The following VAT1 variants were observed in gnomAD, a reference collection of about 807,000 sequenced individuals.
VAT1 encodes vesicle amine transport 1, also known as NADPH-dependent quinone oxidoreductase VAT1.
VAT1 carries 24 observed loss-of-function variants against 33.3 expected under a neutral mutation model. The observed-to-expected ratio is 0.72, with a 90% CI of 0.52 to 1.01. VAT1 has a LOEUF of 1.01. VAT1 is among the 50% of genes least tolerant of loss of function. The probability of loss-of-function intolerance (pLI) is 0.00; values close to 1 mark genes in which losing one functional copy is unlikely to be tolerated. For synonymous variants in VAT1, 212 were observed against 225.0 expected (o/e 0.94, Z 0.52); for missense variants, 436 against 533.7 (o/e 0.82, Z 1.80).
In VAT1 at chr17:43,022,027, A is replaced by G; in HGVS notation, c.296T>C (p.Leu99Pro). ...NFADLMARQGLYDRLPPLPVT... is the reference protein window; with the variant it reads ...NFADLMARQGPYDRLPPLPVT... ...AGGCAGAGGCGGGAGACGGTCGTAC[A>G]GCCCCTGCCTAGCCATGAGGTCTGC... is the stretch of plus-strand genomic sequence containing the variant. Residue 99 changes from leucine to proline, a missense_variant, in exon 1 of 6, where the codon CTG becomes CCG. This residue lies in a region of VAT1 where 282 missense variants were observed against 405.4 expected (regional missense o/e 0.70). Coordinates refer to ENST00000355653, the MANE Select transcript of VAT1 (RefSeq NM_006373.4). The G allele has an allele frequency of 1.2e-6, 2 of 1,606,804 alleles. No individual in the cohort carries two copies. The highest frequency in any genetic ancestry group is 1.7e-6 in the Non-Finnish European group (2 of 1,178,234).
intron 1 of VAT1, chr17:43,020,207 CAGGAAGGAGG>C (rs2050555038): frequency 2.0e-6 from 2 of 985,252 alleles, no homozygotes; most frequent in Non-Finnish European, 2.4e-6. Flanking sequence ...ACCCAGACAC[CAGGAAGGAGG>C]AGGAGGGAGA....
rs754933793 is a variant in VAT1, at chr17:43,018,143, G to A, written c.659C>T (p.Thr220Met). 1.2e-5 allele frequency: 20 copies of A among 1,613,970 alleles called. No homozygotes were observed. In the Admixed American group the frequency reaches 1.8e-4, roughly 15 times the overall value. Residue 220 changes from threonine (T) to methionine (M), a missense_variant, in exon 3 of 6, where the codon ACG becomes ATG. Physicochemically the swap from Thr to Met is moderately conservative, Grantham distance 81 (BLOSUM62 -1). Around this residue, in one of 2 missense-constraint regions of VAT1, gnomAD observed 282 missense variants for 405.4 expected, o/e 0.70. Transcript: ENST00000355653. ...RTVENVTVFG[T>M]ASASKHEALK... ...TGCCTCGTGCTTGCTGGCCGAGGCC[G>A]TTCCGAACACTGTCACATTCTCCAC...
chr17:43,017,206 G>T (rs1391584744), intron 4 of VAT1, among the ~76,000 whole-genome samples: 1 of 145,058 alleles, frequency 6.9e-6, no homozygotes, highest in African/African-American at 2.5e-5. Flanking sequence ...TTTTTTAAAT[G>T]AAAATGCACC....
At chr17:43,019,091 T>A in intron 1 of VAT1, 1 of 435,054 alleles carries the variant, frequency 2.3e-6, no homozygotes, top group South Asian at 2.5e-5. Flanking sequence ...TTCTTACAGA[T>A]CTTACATGTC....
In VAT1 at chr17:43,015,922, C is replaced by T. The variant is rs755606136; in HGVS notation, c.*139G>A. 8.5e-5 allele frequency: 77 copies of T among 909,376 alleles called. No individual in the cohort carries two copies. Among genetic ancestry groups the T allele is most frequent in the Non-Finnish European group, 1.2e-4 (67 of 571,200 alleles). 56.3% of individuals were successfully genotyped at this position (909,376 alleles called of 1,614,324 possible). On this transcript the variant is annotated 3_prime_UTR_variant, in exon 6 of 6. Coordinates refer to ENST00000355653, the MANE Select transcript of VAT1 (RefSeq NM_006373.4). ...GGAAGCGGGGAGGGGCAGGGGAGAG[C>T]GGTCATCACCACAGAGACCTTCGGG...
Position 43,016,631 on chromosome 17 carries a change from TC to T in VAT1, c.857-84del, listed in dbSNP as rs2050522985. ...CATCTGTGCTCTCTGTTCCCTGTGATCCCCTTGCAATTCTCCACACCAGTGC... is the reference window on the plus strand; with the variant it reads ...CATCTGTGCTCTCTGTTCCCTGTGATCCCTTGCAATTCTCCACACCAGTGC... On this transcript the variant is annotated intron_variant, in intron 4 of 5. Coordinates refer to ENST00000355653, the MANE Select transcript of VAT1 (RefSeq NM_006373.4). The T allele has an allele frequency of 7.7e-6, 12 of 1,550,770 alleles. No individual in the cohort carries two copies. In the South Asian group the frequency reaches 1.5e-4, roughly 19 times the overall value.
At chr17:43,018,553 G>A (rs1316698533) in intron 2 of VAT1, 39 bp downstream of exon 2, 3 of 1,605,248 alleles carry the variant, frequency 1.9e-6, no homozygotes, top group African/African-American at 1.3e-5. Flanking sequence ...AAGGAAATCT[G>A]GGTGGGGTAA....
chr17:43,021,416 C>A (rs1398491158), intron 1 of VAT1, among the ~76,000 whole-genome samples: 2 of 152,172 alleles, frequency 1.3e-5, no homozygotes, highest in African/African-American at 4.8e-5. Context: ...GAGGGGCCGC[C>A]TCACACCCCC....
intron 2 of VAT1, 107 bp from the exon 3 acceptor site, chr17:43,018,313 T>G: frequency 7.6e-7 from 1 of 1,321,716 alleles, no homozygotes; most frequent in South Asian, 1.4e-5. Context: ...TTGCCTACGC[T>G]CATTTTAGGG....
intron 1 of VAT1, among the ~76,000 whole-genome samples, chr17:43,021,657 T>G (rs987308046): frequency 1.4e-5 from 2 of 146,430 alleles, no homozygotes; most frequent in African/African-American, 5.1e-5. Context: ...CGCATGCGCA[T>G]GGGCACCTTA....
rs190122873 is a variant in VAT1, at chr17:43,018,067, G to A, written c.735C>T (p.Tyr245=). 3 of 1,613,274 alleles carry A rather than the reference G, an allele frequency of 1.9e-6. No individual in the cohort carries two copies. The highest frequency in any genetic ancestry group is 1.7e-5 in the Admixed American group (1 of 59,928). ...THPIDYHTTD[Y]VDEIKKISPK... ...GGGAAATCTTCTTGATCTCATCCAC[G>A]TAGTCAGTCGTGTGATAGTCGATGG... The change falls in exon 3 of 6, where the codon TAC becomes TAT. Residue 245 remains tyrosine, a synonymous_variant. Coordinates refer to ENST00000355653, the MANE Select transcript of VAT1 (RefSeq NM_006373.4).
rs1411078519 is a variant in VAT1 at position 43,021,995 on chromosome 17, G to T, written c.328C>A (p.Pro110Thr). 6.2e-7 allele frequency: 1 copy of T among 1,611,040 alleles called. No individual in the cohort carries two copies. The highest frequency in any genetic ancestry group is 8.5e-7 in the Non-Finnish European group (1 of 1,179,716). Residue 110 changes from proline to threonine, a missense_variant, in exon 1 of 6, where the codon CCG becomes ACG. Around this residue, in one of 2 missense-constraint regions of VAT1, gnomAD observed 282 missense variants for 405.4 expected, o/e 0.70. Coordinates refer to ENST00000355653, the MANE Select transcript of VAT1 (RefSeq NM_006373.4). ...ACAACACCCGCGCCCTCCATGCCCG[G>T]AGTGACAGGCAGAGGCGGGAGACGG... is the stretch of plus-strand genomic sequence containing the variant. ...YDRLPPLPVTPGMEGAGVVIA... is the reference protein window; with the variant it reads ...YDRLPPLPVTTGMEGAGVVIA...
chr17:43,022,226 C>A lies in VAT1; in HGVS notation c.97G>T (p.Ala33Ser), dbSNP rs1387614244. ...TEAASDPQHPAASEGAAAAAA... is the reference protein window; with the variant it reads ...TEAASDPQHPSASEGAAAAAA... ...GCGGCGGCGGCCCCTTCGGAGGCCG[C>A]GGGATGCTGGGGGTCGCTCGCTGCC... Residue 33 changes from alanine to serine, a missense_variant, in exon 1 of 6, where the codon GCG becomes TCG. By Grantham distance (99) the Ala-to-Ser change is moderately conservative (BLOSUM62 1). Transcript: ENST00000355653. The A allele has an allele frequency of 1.3e-5, 21 of 1,571,480 alleles. No homozygotes were observed. Among genetic ancestry groups the A allele is most frequent in the Non-Finnish European group, 1.7e-5 (20 of 1,158,948 alleles).
chr17:43,022,385 C>G lies in VAT1; in HGVS notation c.-63G>C. On this transcript the variant is annotated 5_prime_UTR_variant, in exon 1 of 6. Transcript: ENST00000355653. ...GAGTGCACAGCTGGGGAAGGCGGAA[C>G]GCGTCGGGAAGAGCCGCGGCTGCGG... 2 of 1,445,746 alleles carry G rather than the reference C, an allele frequency of 1.4e-6. No individual in the cohort carries two copies. Among genetic ancestry groups the G allele is most frequent in the Non-Finnish European group, 1.8e-6 (2 of 1,101,552 alleles). 89.6% of individuals were successfully genotyped at this position (1,445,746 alleles called of 1,614,324 possible).
Position 43,022,026 on chromosome 17 carries a change from C to CA in VAT1, c.296dup (p.Tyr100ValfsTer60), listed in dbSNP as rs995118749. On this transcript the variant is annotated frameshift_variant, in exon 1 of 6. Coordinates refer to ENST00000355653, the MANE Select transcript of VAT1 (RefSeq NM_006373.4). LOFTEE classifies it high-confidence loss of function. Reference sequence around the variant, plus strand: ...CAGGCAGAGGCGGGAGACGGTCGTACAGCCCCTGCCTAGCCATGAGGTCTG... The same window carrying CA: ...CAGGCAGAGGCGGGAGACGGTCGTACAAGCCCCTGCCTAGCCATGAGGTCTG... 1.2e-6 allele frequency: 2 copies of CA among 1,606,684 alleles called. No homozygotes were observed. Among genetic ancestry groups the CA allele is most frequent in the East Asian group, 2.2e-5 (1 of 44,500 alleles).
chr17:43,018,816 G>C lies in VAT1; in HGVS notation c.388-17C>G, dbSNP rs766138773. On this transcript the variant is annotated splice_polypyrimidine_tract_variant and intron_variant, in intron 1 of 5. Coordinates refer to ENST00000355653, the MANE Select transcript of VAT1 (RefSeq NM_006373.4). ...GTCTCCTGCCTTGAAGAACAGAAGAGTATCATTCAGTCACTCATTCATTCA... is the reference window on the plus strand; with the variant it reads ...GTCTCCTGCCTTGAAGAACAGAAGACTATCATTCAGTCACTCATTCATTCA... 2 of 1,613,494 alleles carry C rather than the reference G, an allele frequency of 1.2e-6. No homozygotes were observed. The highest frequency in any genetic ancestry group is 1.3e-5 in the African/African-American group (1 of 74,868).
In VAT1 at chr17:43,015,338, C is replaced by T. The variant is rs1397889122; in HGVS notation, c.*723G>A. The stretch of plus-strand genomic sequence containing the variant: ...GATCCTCCCTCCCCGCCGCCACACA[C>T]ACACAAGCACAGGTTTTCGTTGCTA... On this transcript the variant is annotated 3_prime_UTR_variant, in exon 6 of 6. Transcript: ENST00000355653. 6.5e-6 allele frequency: 1 copy of T among 152,852 alleles called. No individual in the cohort carries two copies. The highest frequency in any genetic ancestry group is 1.5e-5 in the Non-Finnish European group (1 of 68,230). The allele number at this position is 152,852 out of a possible 1,614,324, so 9.5% of individuals were successfully genotyped here. A position where few individuals can be genotyped will look rare whatever the true frequency, so the allele number is the denominator to read the frequency against.
chr17:43,017,582 C>CA (rs55979457), intron 4 of VAT1, among the ~76,000 whole-genome samples: 21 of 66,440 alleles, frequency 3.2e-4, no homozygotes, highest in African/African-American at 9.2e-4. Context: ...AACTCCATCT[C>CA]AAAAAAAAAA....
chr17:43,015,028 A>C lies in VAT1; in HGVS notation c.*1033T>G, dbSNP rs2050509230. 2 of 152,674 alleles carry C rather than the reference A, an allele frequency of 1.3e-5. No individual in the cohort carries two copies. The allele number at this position is 152,674 out of a possible 1,614,324, so 9.5% of individuals were successfully genotyped here. On this transcript the variant is annotated 3_prime_UTR_variant, in exon 6 of 6. Coordinates refer to ENST00000355653, the MANE Select transcript of VAT1 (RefSeq NM_006373.4). ...GGTCCCAGTACAAGAAACAGACAGCACTGCCTTTCAGAGCTCTGGCTAGTA... is the reference window on the plus strand; with the variant it reads ...GGTCCCAGTACAAGAAACAGACAGCCCTGCCTTTCAGAGCTCTGGCTAGTA...
Sources: allele counts gnomAD v4.1 joint callset (sites outside exome capture counted in the v4.1 genomes callset), GRCh38; gene constraint gnomAD v4.1.1; regional missense constraint gnomAD v4.1.1; transcripts MANE v1.5; gene names NCBI Gene and HGNC (gene_info 2026-07-23, HGNC 2026-07-21).